COL23A1: variants seen among roughly 807,000 people sequenced by gnomAD.
COL23A1 encodes collagen alpha-1(XXIII) chain.
COL23A1 carries 97 observed loss-of-function variants against 99.3 expected under a neutral mutation model. That is an observed-to-expected ratio of 0.98 (90% CI 0.83 to 1.16). The LOEUF (loss-of-function observed/expected upper bound fraction) is 1.16. Ranked by LOEUF, COL23A1 falls within the 50% of genes most tolerant of loss-of-function variation. The pLI is 0.00. For synonymous variants in COL23A1, 320 were observed against 308.2 expected (o/e 1.04, Z -0.40); for missense variants, 762 against 757.4 (o/e 1.01, Z -0.07).
Position 178,415,821 on chromosome 5 carries a change from G to A in COL23A1, c.362-108902C>T, listed in dbSNP as rs990864521. Among the ~76,000 whole-genome samples, 7 of 152,266 alleles carry A rather than the reference G, an allele frequency of 4.6e-5. No homozygotes were observed. Among genetic ancestry groups the A allele is most frequent in the Middle Eastern group, 6.8e-3 (2 of 294 alleles). ...AAACAAGAAAGACTGAAAACTCCTC[G>A]AGGGCACAACTGCAGACATCAGGGG... On this transcript the variant is annotated intron_variant, in intron 2 of 28. Transcript: ENST00000390654. The surrounding 1 kb of genome is among the most constrained non-coding windows in gnomAD (Gnocchi z 4.6).
intron 5 of COL23A1, among the ~76,000 whole-genome samples, chr5:178,272,233 G>A (rs1756330891): frequency 6.6e-6 from 1 of 152,196 alleles, no homozygotes; most frequent in African/African-American, 2.4e-5. Flanking sequence ...TCTGGTTCTG[G>A]ACACAGCTGG....
chr5:178,346,960 G>A (rs2127671122), intron 2 of COL23A1, among the ~76,000 whole-genome samples: 1 of 152,318 alleles, frequency 6.6e-6, no homozygotes, highest in African/African-American at 2.4e-5. Context: ...CAGAGGTTGT[G>A]AAACAGCAAA....
chr5:178,346,543 G>C (rs967452833), intron 2 of COL23A1, among the ~76,000 whole-genome samples: 1 of 152,058 alleles, frequency 6.6e-6, no homozygotes, highest in Non-Finnish European at 1.5e-5. Flanking sequence ...GCCACAAATT[G>C]ATCTTTTGAA....
At chr5:178,530,013 G>C (rs895104656) in intron 2 of COL23A1, among the ~76,000 whole-genome samples, 1 of 152,356 alleles carries the variant, frequency 6.6e-6, no homozygotes, top group East Asian at 1.9e-4. Flanking sequence ...TTCCATAACA[G>C]TTTTTCTACG....
intron 2 of COL23A1, among the ~76,000 whole-genome samples, chr5:178,316,701 C>T (rs1233728179): frequency 1.3e-5 from 2 of 152,030 alleles, no homozygotes; most frequent in East Asian, 3.8e-4. Flanking sequence ...AAATTCCAAC[C>T]ACAGTGATAT....
At chr5:178,456,126 C>CCAGTTATATGGAAGATCCT (rs1767778111) in intron 2 of COL23A1, among the ~76,000 whole-genome samples, 2 of 152,274 alleles carry the variant, frequency 1.3e-5, no homozygotes, top group Middle Eastern at 3.4e-3. Context: ...GTTAGAACAA[C>CCAGTTATATGGAAGATCCT]CAGTTATATG....
intron 2 of COL23A1, among the ~76,000 whole-genome samples, chr5:178,505,272 CAG>C (rs1429483848): frequency 1.3e-5 from 2 of 149,910 alleles, no homozygotes; most frequent in Non-Finnish European, 3.0e-5. Flanking sequence ...TTTTTTGAGA[CAG>C]AGTCTTGCTC....
chr5:178,259,644 T>G (rs1289593913), intron 12 of COL23A1, 77 bp downstream of exon 12: 10 of 452,818 alleles, frequency 2.2e-5, no homozygotes, highest in East Asian at 1.2e-4. Flanking sequence ...CCCATCCCCA[T>G]TCCGTCCCAG....
intron 25 of COL23A1, among the ~76,000 whole-genome samples, chr5:178,245,338 A>G (rs886985875): frequency 7.2e-6 from 1 of 138,462 alleles, no homozygotes; most frequent in Admixed American, 7.4e-5. Context: ...CCATCCATCC[A>G]TCCATCATTC....
intron 2 of COL23A1, among the ~76,000 whole-genome samples, chr5:178,530,819 C>T (rs998387792): frequency 2.6e-5 from 4 of 152,184 alleles, no homozygotes; most frequent in Admixed American, 6.5e-5. Context: ...TCAGCAGATA[C>T]CAGCTATCTT....
intron 2 of COL23A1, among the ~76,000 whole-genome samples, chr5:178,451,392 A>G (rs1221185162): frequency 6.6e-6 from 1 of 152,184 alleles, no homozygotes; most frequent in African/African-American, 2.4e-5. Flanking sequence ...ACGGTGGCTC[A>G]CACCTGTAAT....
At chr5:178,318,313 G>C (rs899257461) in intron 2 of COL23A1, among the ~76,000 whole-genome samples, 3 of 152,234 alleles carry the variant, frequency 2.0e-5, no homozygotes, top group Non-Finnish European at 4.4e-5. Context: ...GAGAGGTACT[G>C]ACTGGGACTC....
chr5:178,406,093 ACT>A (rs1764750011), intron 2 of COL23A1, among the ~76,000 whole-genome samples: 1 of 152,184 alleles, frequency 6.6e-6, no homozygotes, highest in Non-Finnish European at 1.5e-5. Context: ...ACAGAGTGAG[ACT>A]CTGTCTCAAA....
chr5:178,523,126 C>G (rs1008074887), intron 2 of COL23A1, among the ~76,000 whole-genome samples: 2 of 143,480 alleles, frequency 1.4e-5, no homozygotes, highest in African/African-American at 5.2e-5. Flanking sequence ...CATGATGAAA[C>G]TCTGTCTCTA....
chr5:178,462,663 A>C (rs1756186623), intron 2 of COL23A1, among the ~76,000 whole-genome samples: 1 of 152,238 alleles, frequency 6.6e-6, no homozygotes, highest in Non-Finnish European at 1.5e-5. Context: ...TTTTTAACTT[A>C]ATTTTGACTC....
chr5:178,542,983 T>G (rs1306523778), intron 2 of COL23A1, among the ~76,000 whole-genome samples: 1 of 152,196 alleles, frequency 6.6e-6, no homozygotes, highest in African/African-American at 2.4e-5. Context: ...CATACAATAC[T>G]GACATCCTAG....
At chr5:178,448,422 G>C (rs1767289600) in intron 2 of COL23A1, among the ~76,000 whole-genome samples, 1 of 151,070 alleles carries the variant, frequency 6.6e-6, no homozygotes, top group African/African-American at 2.4e-5. Flanking sequence ...AGTCCGTTTT[G>C]TTCTGTTAGT....
intron 2 of COL23A1, among the ~76,000 whole-genome samples, chr5:178,526,661 T>C (rs2617265): frequency 0.88 from 134,031 of 152,026 alleles, 59,182 homozygotes; most frequent in East Asian, 0.95. Flanking sequence ...AGAGAGGGGC[T>C]AGCGAGTCTA....
At chr5:178,573,371 GGCCAATTGTGAGA>G (rs1472051722) in intron 1 of COL23A1, among the ~76,000 whole-genome samples, 1 of 152,230 alleles carries the variant, frequency 6.6e-6, no homozygotes, top group Admixed American at 6.5e-5. Context: ...TCATGGCAAA[GGCCAATTGTGAGA>G]GCGTCTGGCC....
Sources: gnomAD v4.1 joint callset for allele counts (sites outside exome capture counted in the v4.1 genomes callset) on GRCh38, gnomAD v4.1.1 for gene constraint, Gnocchi (gnomAD v3.1) non-coding constraint, MANE v1.5 for transcripts, NCBI Gene and HGNC (gene_info 2026-07-23, HGNC 2026-07-21) for gene names.